PUM1: variants seen among roughly 807,000 people sequenced by gnomAD.
PUM1 encodes pumilio RNA binding family member 1.
Under a neutral mutation model 131.8 loss-of-function variants are expected in PUM1, and 13 were observed. That is an observed-to-expected ratio of 0.10 (90% CI 0.06 to 0.16). The LOEUF is 0.16. PUM1 is among the 10% of genes least tolerant of loss of function. The pLI is 1.00. For missense variants in PUM1, 961 were observed against 1,512.4 expected (o/e 0.64, Z 6.05); for synonymous variants, 509 against 556.5 (o/e 0.91, Z 1.20).
At chr1:30,993,813 G>A (rs2124488342) in intron 6 of PUM1, among the ~76,000 whole-genome samples, 1 of 152,310 alleles carries the variant, frequency 6.6e-6, no homozygotes, top group Non-Finnish European at 1.5e-5. Flanking sequence ...GCTCATGCCT[G>A]TAATCTCAGC....
At chr1:31,049,915 C>T (rs1268468657) in intron 2 of PUM1, among the ~76,000 whole-genome samples, 2 of 148,922 alleles carry the variant, frequency 1.3e-5, no homozygotes, top group Admixed American at 6.8e-5. Context: ...CTGCAATCTC[C>T]GCCTCCCAGG....
chr1:30,975,726 A>G (rs1024054776), intron 9 of PUM1, among the ~76,000 whole-genome samples: 3 of 151,816 alleles, frequency 2.0e-5, no homozygotes, highest in Non-Finnish European at 4.4e-5. Flanking sequence ...TGAAATTTTA[A>G]ATTTAAGTCA....
intron 2 of PUM1, among the ~76,000 whole-genome samples, chr1:31,044,293 C>G (rs1279289168): frequency 6.6e-6 from 1 of 151,892 alleles, no homozygotes; most frequent in South Asian, 2.1e-4. Flanking sequence ...CCCAGCTACT[C>G]GGGAGGCTGA....
chr1:30,988,355 G>T (rs1320506242), intron 7 of PUM1, among the ~76,000 whole-genome samples: 2 of 152,056 alleles, frequency 1.3e-5, no homozygotes, highest in Non-Finnish European at 2.9e-5. Context: ...CTCATTATAG[G>T]CTGATAATAA....
chr1:31,006,807 T>C (rs1173163609), intron 4 of PUM1, among the ~76,000 whole-genome samples, 187 bp downstream of exon 4: 1 of 152,218 alleles, frequency 6.6e-6, no homozygotes, highest in African/African-American at 2.4e-5. Flanking sequence ...ATTGAAGATA[T>C]GATTTTGTGT....
chr1:30,941,719 C>T (rs1384882467), intron 19 of PUM1, among the ~76,000 whole-genome samples: 1 of 152,074 alleles, frequency 6.6e-6, no homozygotes, highest in African/African-American at 2.4e-5. Context: ...GATTATGAAA[C>T]AGAGACCCAG....
chr1:30,993,902 TC>T (rs2124488480), intron 6 of PUM1, among the ~76,000 whole-genome samples: 1 of 152,056 alleles, frequency 6.6e-6, no homozygotes, highest in South Asian at 2.1e-4. Context: ...AAACCCCATC[TC>T]TACAAAAGAT....
intron 18 of PUM1, among the ~76,000 whole-genome samples, chr1:30,943,356 G>A (rs1254483142): frequency 2.6e-5 from 4 of 151,750 alleles, no homozygotes; most frequent in East Asian, 1.9e-4. Context: ...TCCGCCTCCC[G>A]GGCTCAAGCA....
chr1:31,035,179 C>T (rs1459885784), intron 2 of PUM1, among the ~76,000 whole-genome samples: 1 of 151,974 alleles, frequency 6.6e-6, no homozygotes, highest in African/African-American at 2.4e-5. Context: ...GTAAGTGGGT[C>T]CCTTGAGCCT....
intron 5 of PUM1, 145 bp from the exon 6 acceptor site, chr1:30,995,365 A>C: frequency 1.2e-6 from 1 of 859,356 alleles, no homozygotes; most frequent in Non-Finnish European, 1.8e-6. Context: ...TTAACAAACA[A>C]CACAGAGGCA....
intron 8 of PUM1, 24 bp downstream of exon 8, chr1:30,981,270 GGCCACACCTATCATGAAA>G: frequency 7.8e-7 from 1 of 1,282,208 alleles, no homozygotes; most frequent in Non-Finnish European, 1.1e-6. Flanking sequence ...CTAAAATGGC[GGCCACACCTATCATGAAA>G]GAGCTATGGG....
intron 13 of PUM1, among the ~76,000 whole-genome samples, chr1:30,965,769 TTAAG>T (rs979934121): frequency 2.6e-5 from 4 of 152,154 alleles, no homozygotes; most frequent in African/African-American, 9.7e-5. Context: ...AAGAAACTGA[TTAAG>T]TAAGTAGCCA....
rs183955707 is a variant in PUM1 at position 31,047,483 on chromosome 1, C to A, written c.363+11721G>T. On this transcript the variant is annotated intron_variant, in intron 2 of 21. Coordinates refer to ENST00000426105, the MANE Select transcript of PUM1 (RefSeq NM_001020658.2). ...ACAAGAGTGAATAACTAGATAGATT[C>A]TAATTGTTAAAGTATTCTTTCCACA... Among the ~76,000 whole-genome samples the A allele has an allele frequency of 2.0e-5, 3 of 152,320 alleles. No individual in the cohort carries two copies. In the East Asian group the frequency reaches 5.8e-4, roughly 29 times the overall value.
intron 9 of PUM1, among the ~76,000 whole-genome samples, chr1:30,979,115 AAGAG>A (rs1219368877): frequency 3.3e-5 from 5 of 151,834 alleles, no homozygotes; most frequent in South Asian, 2.1e-4. Flanking sequence ...AAAAAAAAAA[AAGAG>A]AGAGAGAGAA....
At chr1:31,038,984 A>ATATTTTTTTTTTTTTTTTTTTT in intron 2 of PUM1, among the ~76,000 whole-genome samples, 3 of 49,418 alleles carry the variant, frequency 6.1e-5, no homozygotes, top group Admixed American at 2.2e-4. Context: ...ATATATATAT[A>ATATTTTTTTTTTTTTTTTTTTT]TTTTTTTTTT....
chr1:31,052,165 A>G (rs1161377209), intron 2 of PUM1, among the ~76,000 whole-genome samples: 1 of 151,582 alleles, frequency 6.6e-6, no homozygotes, highest in African/African-American at 2.4e-5. Flanking sequence ...GGCGCCCACC[A>G]CCACACCCGG....
At chr1:30,983,603 T>C (rs897455517) in intron 7 of PUM1, among the ~76,000 whole-genome samples, 1 of 152,084 alleles carries the variant, frequency 6.6e-6, no homozygotes, top group African/African-American at 2.4e-5. Context: ...ACTTCATATA[T>C]TTTTGTTTGT....
intron 3 of PUM1, 54 bp from the exon 4 acceptor site, chr1:31,007,156 C>G: frequency 1.5e-6 from 2 of 1,312,390 alleles, no homozygotes; most frequent in Non-Finnish European, 2.2e-6. Flanking sequence ...GATGAAAGTA[C>G]AGCAGTCAAC....
At chr1:31,017,721 C>T (rs1310988141) in intron 3 of PUM1, among the ~76,000 whole-genome samples, 1 of 152,048 alleles carries the variant, frequency 6.6e-6, no homozygotes, top group African/African-American at 2.4e-5. Context: ...AGGTGCCCAC[C>T]TGGAAACTGG....
Sources: gnomAD v4.1 joint callset for allele counts (sites outside exome capture counted in the v4.1 genomes callset) on GRCh38, gnomAD v4.1.1 for gene constraint, MANE v1.5 for transcripts, NCBI Gene and HGNC (gene_info 2026-07-23, HGNC 2026-07-21) for gene names.